Variants in RPA1 observed in about 807,000 individuals in gnomAD.
RPA1 encodes replication protein A1.
RPA1 carries 49 observed loss-of-function variants against 83.0 expected under a neutral mutation model. The observed-to-expected ratio is 0.59, with a 90% CI of 0.47 to 0.75. The LOEUF is 0.75. Among genes scored for constraint, RPA1 ranks in the 30% least tolerant of loss-of-function variants. The pLI is 0.00. For synonymous variants in RPA1, 279 were observed against 281.8 expected (o/e 0.99, Z 0.10); for missense variants, 693 against 776.1 (o/e 0.89, Z 1.27).
At position 1,897,285 on chromosome 17, in the gene RPA1, A is replaced by G. The variant is rs942156720; in HGVS notation, c.*110A>G. On this transcript the variant is annotated 3_prime_UTR_variant, in exon 17 of 17. Coordinates refer to ENST00000254719, the MANE Select transcript of RPA1 (RefSeq NM_002945.5). ...TAGCTACACAGTGCAGAGGCTCTTG[A>G]TGGTGGACTAAGCAATTTCCCCCCT... The G allele has an allele frequency of 9.8e-6, 8 of 813,556 alleles. No homozygotes were observed. The highest frequency in any genetic ancestry group is 8.7e-5 in the African/African-American group (5 of 57,504). The allele number at this position is 813,556 out of a possible 1,614,324, so 50.4% of individuals were successfully genotyped here.
intron 5 of RPA1, among the ~76,000 whole-genome samples, chr17:1,871,384 G>A (rs968115316): frequency 2.0e-5 from 3 of 152,306 alleles, no homozygotes; most frequent in Admixed American, 6.5e-5. Context: ...TAATGTGCCC[G>A]TTTGAGTTAG....
chr17:1,871,371 G>C (rs751835832), intron 5 of RPA1, among the ~76,000 whole-genome samples: 1 of 152,194 alleles, frequency 6.6e-6, no homozygotes, highest in Non-Finnish European at 1.5e-5. Context: ...TTAAATCAGT[G>C]TGTAATGTGC....
chr17:1,865,223 C>T (rs929567627), intron 5 of RPA1, among the ~76,000 whole-genome samples: 14 of 152,168 alleles, frequency 9.2e-5, no homozygotes, highest in Non-Finnish European at 4.4e-5. Context: ...CAATGGGTTG[C>T]TACAAGAAAT....
rs57509401 is a variant in RPA1, at chr17:1,862,194, AT to A, written c.361+9030del. On this transcript the variant is annotated intron_variant, in intron 5 of 16. Coordinates refer to ENST00000254719, the MANE Select transcript of RPA1 (RefSeq NM_002945.5). ...GGCGTGAGCCACCGCCCCCAACCGTATTTTTTTTTTTTTTTTTTTTTTTTTG... is the reference window on the plus strand; with the variant it reads ...GGCGTGAGCCACCGCCCCCAACCGTATTTTTTTTTTTTTTTTTTTTTTTTG... Among the ~76,000 whole-genome samples the A allele has an allele frequency of 6.9e-3, 639 of 93,078 alleles. 4 individuals are homozygous for A. Among genetic ancestry groups the A allele is most frequent in the South Asian group, 0.03 (75 of 2,540 alleles). 61.1% of individuals were successfully genotyped at this position (93,078 alleles called of 152,430 possible). A position where few individuals can be genotyped will look rare whatever the true frequency, so the allele number is the denominator to read the frequency against.
At chr17:1,876,721 C>T (rs759083655) in intron 7 of RPA1, among the ~76,000 whole-genome samples, 1 of 152,206 alleles carries the variant, frequency 6.6e-6, no homozygotes. Context: ...CCCTGTGCCT[C>T]CTTTTTCCAT....
chr17:1,877,271 G>T lies in RPA1; in HGVS notation c.647G>T (p.Arg216Leu), dbSNP rs758506055. 6 of 1,614,046 alleles carry T rather than the reference G, an allele frequency of 3.7e-6. No individual in the cohort carries two copies. The highest frequency in any genetic ancestry group is 5.1e-6 in the Non-Finnish European group (6 of 1,180,040). The change falls in exon 8 of 17, where the codon CGA becomes CTA. Residue 216 changes from arginine (R) to leucine (L), a missense_variant. Arg to Leu is a moderately radical substitution (Grantham distance 102). Coordinates refer to ENST00000254719, the MANE Select transcript of RPA1 (RefSeq NM_002945.5). ...KSQIRTWSNS[R>L]GEGKLFSLEL... Reference sequence around the variant, plus strand: ...CAGATCCGTACCTGGAGCAACTCCCGAGGGGAAGGGAAGCTTTTCTCCCTA... The same window carrying T: ...CAGATCCGTACCTGGAGCAACTCCCTAGGGGAAGGGAAGCTTTTCTCCCTA...
Position 1,870,162 on chromosome 17 carries a change from A to G in RPA1, c.362-2272A>G, listed in dbSNP as rs570604571. Reference sequence around the variant, plus strand: ...TAAAGGGTATGATAATAGTGTCTACATCCTAGGGCTGGCAGGCACTGTAGC... The same window carrying G: ...TAAAGGGTATGATAATAGTGTCTACGTCCTAGGGCTGGCAGGCACTGTAGC... On this transcript the variant is annotated intron_variant, in intron 5 of 16. Transcript: ENST00000254719. Among the ~76,000 whole-genome samples the G allele has an allele frequency of 1.2e-4, 18 of 152,298 alleles. No individual in the cohort carries two copies. The East Asian group carries it at 3.5e-3, about 29-fold the overall frequency.
chr17:1,845,162 T>TTGTGTG (rs71150822), intron 4 of RPA1, among the ~76,000 whole-genome samples: 3,806 of 141,670 alleles, frequency 0.027, 118 homozygotes, highest in African/African-American at 0.07. Context: ...TAATGCTGCT[T>TTGTGTG]TGTGTGTGTG....
In RPA1 at chr17:1,851,759, CAGAT is replaced by C. The variant is rs770877625; in HGVS notation, c.273-1339_273-1336del. ...TAGTTAAATATCTGCCACTAAGTATCAGATAGTTATTACAGGGAATCTAGATACC... is the reference window on the plus strand; with the variant it reads ...TAGTTAAATATCTGCCACTAAGTATCAGTTATTACAGGGAATCTAGATACC... On this transcript the variant is annotated intron_variant, in intron 4 of 16. Coordinates refer to ENST00000254719, the MANE Select transcript of RPA1 (RefSeq NM_002945.5). 6.6e-5 allele frequency among the ~76,000 whole-genome samples: 10 copies of C among 152,192 alleles called. No individual in the cohort carries two copies. The East Asian group carries it at 1.2e-3, about 18-fold the overall frequency.
Position 1,895,659 on chromosome 17 carries a change from G to GTATTTATTTATT in RPA1, c.1746+598_1746+609dup, listed in dbSNP as rs1555596983. ...CTGAAATTGCCCATAATACCATATA[G>GTATTTATTTATT]TATTTATTTATTTATTTATTTATTT... On this transcript the variant is annotated intron_variant, in intron 16 of 16. Transcript: ENST00000254719. Among the ~76,000 whole-genome samples, 642 of 141,796 alleles carry GTATTTATTTATT rather than the reference G, an allele frequency of 4.5e-3. 5 individuals are homozygous for GTATTTATTTATT. The highest frequency in any genetic ancestry group is 8.3e-3 in the African/African-American group (315 of 38,170). 93.0% of individuals were successfully genotyped at this position (141,796 alleles called of 152,430 possible). A position where few individuals can be genotyped will look rare whatever the true frequency, so the allele number is the denominator to read the frequency against.
At chr17:1,878,058 C>G (rs993595068) in intron 8 of RPA1, among the ~76,000 whole-genome samples, 2 of 152,078 alleles carry the variant, frequency 1.3e-5, no homozygotes, top group African/African-American at 4.8e-5. Flanking sequence ...TAGTGAAACC[C>G]CGTTTATACT....
chr17:1,893,868 C>A, intron 15 of RPA1, among the ~76,000 whole-genome samples: 1 of 151,164 alleles, frequency 6.6e-6, no homozygotes, highest in South Asian at 2.1e-4. Context: ...TCCTTTTTTT[C>A]TTTTTTTTGA....
intron 4 of RPA1, among the ~76,000 whole-genome samples, chr17:1,851,046 G>T (rs1461806120): frequency 6.6e-6 from 1 of 152,110 alleles, no homozygotes; most frequent in Admixed American, 6.5e-5. Flanking sequence ...GCTCCAAATT[G>T]TCATCTGTTG....
In RPA1 at chr17:1,897,059, C is replaced by T; in HGVS notation, c.1747-12C>T. 1 of 1,559,302 alleles carries T rather than the reference C, an allele frequency of 6.4e-7. No individual in the cohort carries two copies. The highest frequency in any genetic ancestry group is 8.7e-7 in the Non-Finnish European group (1 of 1,150,676). On this transcript the variant is annotated splice_polypyrimidine_tract_variant and intron_variant, in intron 16 of 16. Transcript: ENST00000254719. The stretch of plus-strand genomic sequence containing the variant: ...CTTTCACTGCTCACAAACTACTTCT[C>T]CCTTTTTGAAGGACGAGTCTCGAAT...
At chr17:1,881,347 G>A (rs971706082) in intron 12 of RPA1, among the ~76,000 whole-genome samples, 4 of 152,166 alleles carry the variant, frequency 2.6e-5, no homozygotes, top group Non-Finnish European at 4.4e-5. Context: ...TAGTCTATGG[G>A]GGGGAAGTGT....
In RPA1 at chr17:1,839,788, G is replaced by GTTTTT. The variant is rs71150821; in HGVS notation, c.34-2994_34-2990dup. Among the ~76,000 whole-genome samples, 17 of 68,970 alleles carry GTTTTT rather than the reference G, an allele frequency of 2.5e-4. 1 individual carries two copies. The highest frequency in any genetic ancestry group is 5.4e-4 in the African/African-American group (11 of 20,240). The allele number at this position is 68,970 out of a possible 152,430, so 45.2% of individuals were successfully genotyped here. On this transcript the variant is annotated intron_variant, in intron 1 of 16. Transcript: ENST00000254719. ...TAGCTGGGACGACTGCGCCCAGCTA[G>GTTTTT]TTTTTTTTTTTTTTTTTTTTTTTTT... is the stretch of plus-strand genomic sequence containing the variant.
rs1176819979 is a variant in RPA1, at chr17:1,880,666, C to T, written c.1216C>T (p.Pro406Ser). ...SSTIIANPDI[P>S]EAYKLRGWFD... is the part of the protein sequence containing the mutation. Reference sequence around the variant, plus strand: ...CACTATCATTGCGAATCCTGACATCCCAGAGGCCTATAAGCTTCGTGGATG... The same window carrying T: ...CACTATCATTGCGAATCCTGACATCTCAGAGGCCTATAAGCTTCGTGGATG... The change falls in exon 12 of 17, where the codon CCA (proline) becomes TCA (serine). Residue 406 changes from proline (P) to serine (S), a missense_variant. By Grantham distance (74) the Pro-to-Ser change is moderately conservative. Transcript: ENST00000254719. The T allele has an allele frequency of 1.9e-6, 3 of 1,613,770 alleles. No individual in the cohort carries two copies. The highest frequency in any genetic ancestry group is 1.1e-5 in the South Asian group (1 of 91,056).
At chr17:1,839,510 G>A (rs1911958380) in intron 1 of RPA1, among the ~76,000 whole-genome samples, 1 of 151,660 alleles carries the variant, frequency 6.6e-6, no homozygotes, top group Admixed American at 6.6e-5. Flanking sequence ...ATTTTTAGTA[G>A]AGACGGGGTT....
At position 1,885,202 on chromosome 17, in the gene RPA1, A is replaced by C. The variant is rs376538024; in HGVS notation, c.1374+1258A>C. 3.2e-4 allele frequency among the ~76,000 whole-genome samples: 49 copies of C among 152,298 alleles called. No individual in the cohort carries two copies. In the South Asian group the frequency reaches 9.7e-3, roughly 30 times the overall value. On this transcript the variant is annotated intron_variant, in intron 13 of 16. Coordinates refer to ENST00000254719, the MANE Select transcript of RPA1 (RefSeq NM_002945.5). ...ACAATGCTCACAGCGTTCTCACCAC[A>C]AGAGATTTCATCTCAAGAAAGCACT...
Sources: allele counts gnomAD v4.1 joint callset (sites outside exome capture counted in the v4.1 genomes callset), GRCh38; gene constraint gnomAD v4.1.1; transcripts MANE v1.5; gene names NCBI Gene and HGNC (gene_info 2026-07-23, HGNC 2026-07-21).